Variants in ZC3H12B observed in about 807,000 individuals in gnomAD.
ZC3H12B encodes probable ribonuclease ZC3H12B.
A neutral mutation model predicts 43.9 loss-of-function variants in ZC3H12B; 7 were observed. The ratio of observed to expected loss-of-function variants is 0.16; its 90% CI spans 0.09 to 0.30. ZC3H12B has a LOEUF of 0.30. Among genes scored for constraint, ZC3H12B ranks in the 10% least tolerant of loss-of-function variants. The pLI, the probability that ZC3H12B is intolerant of heterozygous loss-of-function variation, is 1.00. For missense variants in ZC3H12B, 475 were observed against 670.2 expected, an observed-to-expected ratio of 0.71 and a Z score of 3.22; for synonymous variants, 222 against 241.7, an observed-to-expected ratio of 0.92 and a Z score of 0.76.
chrX:65,313,824 A>G, the ZC3H12B span, among the ~76,000 whole-genome samples: 2 of 112,272 alleles, frequency 1.8e-5, no homozygotes, highest in African/African-American at 6.5e-5. Flanking sequence ...TGAAACAACA[A>G]TCAACAGATG....
the ZC3H12B span, among the ~76,000 whole-genome samples, chrX:65,293,500 G>T: frequency 1.8e-5 from 2 of 108,999 alleles, no homozygotes; most frequent in South Asian, 4.1e-4. Context: ...TCCAAACCAA[G>T]AATAAATTTC....
chrX:65,470,872 T>C (rs1005117986), intron 3 of ZC3H12B, among the ~76,000 whole-genome samples: 5 of 112,502 alleles, frequency 4.4e-5, no homozygotes, highest in African/African-American at 1.6e-4. Flanking sequence ...TCTAGTTTTT[T>C]TCTACTGTGG....
rs1001590145 is a variant in ZC3H12B at position 65,409,627 on chromosome X, G to A, written n.407+10923G>A. Reference sequence around the variant, plus strand: ...AGAACTGATAAATTCAGTAAGGTAGGAGGTTACAAAATTAACATACAAAAA... The same window carrying A: ...AGAACTGATAAATTCAGTAAGGTAGAAGGTTACAAAATTAACATACAAAAA... On this transcript the variant is annotated intron_variant and non_coding_transcript_variant, in intron 3 of 5. Coordinates refer to the ZC3H12B transcript ENST00000617377. Among the ~76,000 whole-genome samples, 3 of 108,536 alleles carry A rather than the reference G, an allele frequency of 2.8e-5. No homozygotes were observed. The Admixed American group carries it at 3.0e-4, about 11-fold the overall frequency. 94.3% of individuals were successfully genotyped at this position (108,536 alleles called of 115,157 possible). A position where few individuals can be genotyped will look rare whatever the true frequency, so the allele number is the denominator to read the frequency against.
the ZC3H12B span, among the ~76,000 whole-genome samples, chrX:65,053,758 C>T: frequency 9.0e-6 from 1 of 111,721 alleles, no homozygotes; most frequent in Non-Finnish European, 1.9e-5. Flanking sequence ...TCCACATCCC[C>T]TCCAGCACCT....
At chrX:65,219,809 TACACACACAC>T in the ZC3H12B span, among the ~76,000 whole-genome samples, 25 of 76,708 alleles carry the variant, frequency 3.3e-4, no homozygotes, top group Admixed American at 2.2e-3. Flanking sequence ...TACACACACA[TACACACACAC>T]ACACACACAC....
the ZC3H12B span, among the ~76,000 whole-genome samples, chrX:65,238,301 A>G: frequency 9.0e-6 from 1 of 111,519 alleles, no homozygotes; most frequent in Non-Finnish European, 1.9e-5. Flanking sequence ...TTAGGGATTC[A>G]ACGTCTTTCT....
the ZC3H12B span, among the ~76,000 whole-genome samples, chrX:65,202,027 T>G: frequency 1.1e-5 from 1 of 89,654 alleles, no homozygotes; most frequent in African/African-American, 4.4e-5. Flanking sequence ...CTCTTTCCTT[T>G]ATAAATTACT....
the ZC3H12B span, among the ~76,000 whole-genome samples, chrX:65,301,860 A>G: frequency 9.0e-6 from 1 of 111,710 alleles, no homozygotes; most frequent in African/African-American, 3.3e-5. Context: ...TGAAATAACA[A>G]ATGTTTTAAA....
At chrX:65,299,579 A>G in the ZC3H12B span, among the ~76,000 whole-genome samples, 1 of 111,978 alleles carries the variant, frequency 8.9e-6, no homozygotes, top group Non-Finnish European at 1.9e-5. Context: ...AGCATCAAAG[A>G]TGGATTGCCC....
intron 3 of ZC3H12B, among the ~76,000 whole-genome samples, chrX:65,405,806 A>G (rs1002120033): frequency 8.9e-6 from 1 of 112,035 alleles, no homozygotes; most frequent in African/African-American, 3.2e-5. Context: ...GAAATGAAAA[A>G]GGAGACATTA....
At chrX:65,285,949 T>A in the ZC3H12B span, among the ~76,000 whole-genome samples, 1 of 111,845 alleles carries the variant, frequency 8.9e-6, no homozygotes, top group Non-Finnish European at 1.9e-5. Context: ...CAACCTTGAA[T>A]GTAAATGGGT....
At chrX:65,349,554 CA>C in the ZC3H12B span, among the ~76,000 whole-genome samples, 1 of 110,975 alleles carries the variant, frequency 9.0e-6, no homozygotes, top group East Asian at 2.8e-4. Flanking sequence ...AAAAACCCTT[CA>C]AAAAATCAAT....
chrX:65,116,857 C>G, the ZC3H12B span, among the ~76,000 whole-genome samples: 8 of 111,514 alleles, frequency 7.2e-5, no homozygotes, highest in South Asian at 3.0e-3. Flanking sequence ...TGATGGTATC[C>G]AGCTTCATCC....
At chrX:65,202,757 A>G in the ZC3H12B span, among the ~76,000 whole-genome samples, 1 of 110,485 alleles carries the variant, frequency 9.1e-6, no homozygotes, top group Non-Finnish European at 1.9e-5. Flanking sequence ...GCTACTGCCT[A>G]TATTCATGCA....
At chrX:65,421,016 T>C (rs1179737039) in intron 3 of ZC3H12B, among the ~76,000 whole-genome samples, 2 of 112,232 alleles carry the variant, frequency 1.8e-5, no homozygotes, top group African/African-American at 6.5e-5. Flanking sequence ...ATCTTAGGGG[T>C]ATATCAACTT....
chrX:65,412,247 A>C (rs2066912450), intron 3 of ZC3H12B, among the ~76,000 whole-genome samples: 1 of 111,482 alleles, frequency 9.0e-6, no homozygotes, highest in Non-Finnish European at 1.9e-5. Flanking sequence ...ACAATATGTG[A>C]CCTTTTGTGC....
intron 3 of ZC3H12B, among the ~76,000 whole-genome samples, chrX:65,467,618 C>A (rs1040450169): frequency 1.8e-5 from 2 of 111,752 alleles, no homozygotes; most frequent in African/African-American, 6.5e-5. Context: ...CATCTATTTG[C>A]TTTTTGACTT....
chrX:65,286,569 G>A, the ZC3H12B span, among the ~76,000 whole-genome samples: 1 of 109,588 alleles, frequency 9.1e-6, no homozygotes, highest in African/African-American at 3.3e-5. Flanking sequence ...TAAAAGTTGA[G>A]AAAAAAATAT....
intron 3 of ZC3H12B, among the ~76,000 whole-genome samples, chrX:65,455,182 C>G (rs988593188): frequency 6.3e-5 from 7 of 111,923 alleles, no homozygotes; most frequent in Non-Finnish European, 1.3e-4. Flanking sequence ...CTACTCTGGG[C>G]TAAAGGAGGA....
Sources: gnomAD v4.1 joint callset for allele counts (sites outside exome capture counted in the v4.1 genomes callset) on GRCh38, gnomAD v4.1.1 for gene constraint, MANE v1.5 for transcripts, NCBI Gene and HGNC (gene_info 2026-07-23, HGNC 2026-07-21) for gene names.